Variants in PAWR observed in about 807,000 individuals in gnomAD.
The protein encoded by PAWR is PRKC apoptosis WT1 regulator protein.
PAWR carries 23 observed loss-of-function variants against 32.0 expected under a neutral mutation model. The observed-to-expected ratio is 0.72, with a 90% CI of 0.52 to 1.02. The LOEUF is 1.02. Among genes scored for constraint, PAWR ranks in the 50% least tolerant of loss-of-function variants. The pLI is 0.00. For missense variants in PAWR, 457 were observed against 437.7 expected, an observed-to-expected ratio of 1.04 and a Z score of -0.39; for synonymous variants, 226 against 187.1, an observed-to-expected ratio of 1.21 and a Z score of -1.70.
chr12:79,608,892 A>G lies in PAWR; in HGVS notation c.683+4683T>C, dbSNP rs1050588549. Reference sequence around the variant, plus strand: ...AAACCCCACCTCTACTAAAAATACAAAAGTTAGCCAGGCATGGTGGCAGGT... The same window carrying G: ...AAACCCCACCTCTACTAAAAATACAGAAGTTAGCCAGGCATGGTGGCAGGT... On this transcript the variant is annotated intron_variant, in intron 4 of 6. Transcript: ENST00000328827. Among the ~76,000 whole-genome samples, 7 of 152,128 alleles carry G rather than the reference A, an allele frequency of 4.6e-5. No individual in the cohort carries two copies. The South Asian group carries it at 1.2e-3, about 27-fold the overall frequency.
chr12:79,605,168 C>A (rs1304426345), intron 4 of PAWR, among the ~76,000 whole-genome samples: 4 of 151,934 alleles, frequency 2.6e-5, no homozygotes, highest in African/African-American at 9.7e-5. Context: ...ATTTTAATGG[C>A]TGCATTATAA....
chr12:79,660,906 A>G (rs573021220), intron 2 of PAWR, among the ~76,000 whole-genome samples: 1 of 151,806 alleles, frequency 6.6e-6, no homozygotes, highest in East Asian at 1.9e-4. Flanking sequence ...TTTAAAGTAT[A>G]TAATTATATA....
At chr12:79,678,154 T>C (rs776019149) in intron 2 of PAWR, among the ~76,000 whole-genome samples, 14 of 152,266 alleles carry the variant, frequency 9.2e-5, no homozygotes, top group Non-Finnish European at 1.6e-4. Context: ...TGTTGTTTAC[T>C]ACTCTTGAAT....
chr12:79,664,669 GGAGA>G, intron 2 of PAWR, among the ~76,000 whole-genome samples: 1 of 145,270 alleles, frequency 6.9e-6, no homozygotes, highest in East Asian at 2.0e-4. Flanking sequence ...GGGGGGGGGA[GGAGA>G]GAGAGAGAGT....
intron 2 of PAWR, among the ~76,000 whole-genome samples, chr12:79,673,360 C>T (rs539779640): frequency 6.6e-5 from 10 of 152,282 alleles, no homozygotes; most frequent in East Asian, 3.9e-4. Context: ...TGAGCCACCG[C>T]GCCCGGCCCT....
chr12:79,687,305 C>G (rs568254782), intron 2 of PAWR, among the ~76,000 whole-genome samples: 1 of 152,130 alleles, frequency 6.6e-6, no homozygotes, highest in South Asian at 2.1e-4. Flanking sequence ...TGTCAGATAC[C>G]TTTATAACAG....
intron 3 of PAWR, among the ~76,000 whole-genome samples, chr12:79,619,611 G>T (rs1293700330): frequency 2.0e-5 from 3 of 152,034 alleles, no homozygotes; most frequent in Non-Finnish European, 4.4e-5. Context: ...TTGATATGGG[G>T]GTACTGCTAT....
At chr12:79,646,283 C>T (rs1383509528) in intron 2 of PAWR, among the ~76,000 whole-genome samples, 1 of 152,150 alleles carries the variant, frequency 6.6e-6, no homozygotes, top group Non-Finnish European at 1.5e-5. Context: ...TAAGGACACT[C>T]CTGCCCCGTA....
intron 5 of PAWR, among the ~76,000 whole-genome samples, chr12:79,595,721 G>T (rs1873726038): frequency 6.6e-6 from 1 of 152,020 alleles, no homozygotes; most frequent in South Asian, 2.1e-4. Context: ...GCTTGGTGGT[G>T]CATGCCTGTA....
At chr12:79,667,875 T>A (rs758995997) in intron 2 of PAWR, 2 of 152,124 alleles carry the variant, frequency 1.3e-5, no homozygotes, top group African/African-American at 4.8e-5. Context: ...TAATACTATC[T>A]TATTTCCTTT....
chr12:79,683,573 A>G (rs201847401), intron 2 of PAWR, among the ~76,000 whole-genome samples: 2 of 151,682 alleles, frequency 1.3e-5, no homozygotes, highest in East Asian at 3.9e-4. Flanking sequence ...TGATTCTAGT[A>G]CTGTAACTAA....
At position 79,585,351 on chromosome 12, in the gene PAWR, G is replaced by C. The variant is rs1376077565; in HGVS notation, c.*7256C>G. On this transcript the variant is annotated 3_prime_UTR_variant, in exon 7 of 7. Transcript: ENST00000328827. ...TGCAAAGTTTGTGACTCAAGTGTTG[G>C]GTGGGGCCAAATAATTTGTATTTCT... is the stretch of plus-strand genomic sequence containing the variant. 4.6e-6 allele frequency: 1 copy of C among 219,598 alleles called. No individual in the cohort carries two copies. The highest frequency in any genetic ancestry group is 9.2e-6 in the Non-Finnish European group (1 of 109,054). The allele number at this position is 219,598 out of a possible 1,614,324, so 13.6% of individuals were successfully genotyped here. A position where few individuals can be genotyped will look rare whatever the true frequency, so the allele number is the denominator to read the frequency against.
In PAWR at chr12:79,615,126, GAGTA is replaced by G. The variant is rs536768689; in HGVS notation, c.649-1521_649-1518del. 3.5e-3 allele frequency among the ~76,000 whole-genome samples: 530 copies of G among 152,300 alleles called. 3 individuals are homozygous for G. The highest frequency in any genetic ancestry group is 0.012 in the African/African-American group (510 of 41,574). ...TAATTGAATTTTCTGCATGGAATTTGAGTAAGTCTGTCTTAATTATTCCAAGTCA... is the reference window on the plus strand; with the variant it reads ...TAATTGAATTTTCTGCATGGAATTTGAGTCTGTCTTAATTATTCCAAGTCA... On this transcript the variant is annotated intron_variant, in intron 3 of 6. Coordinates refer to ENST00000328827, the MANE Select transcript of PAWR (RefSeq NM_002583.4).
At chr12:79,598,809 T>C (rs1873856176) in intron 4 of PAWR, among the ~76,000 whole-genome samples, 1 of 152,212 alleles carries the variant, frequency 6.6e-6, no homozygotes, top group Non-Finnish European at 1.5e-5. Flanking sequence ...GCCTTCTGGC[T>C]CACTGCAACC....
intron 2 of PAWR, among the ~76,000 whole-genome samples, chr12:79,645,952 TG>T (rs537290619): frequency 5.1e-4 from 78 of 152,340 alleles, no homozygotes; most frequent in Non-Finnish European, 9.4e-4. Context: ...ACTTTAGGCA[TG>T]TCCCTCCATC....
intron 2 of PAWR, among the ~76,000 whole-genome samples, chr12:79,646,692 A>G (rs1876590803): frequency 6.6e-6 from 1 of 152,174 alleles, no homozygotes; most frequent in Non-Finnish European, 1.5e-5. Context: ...CAGAGGTTAA[A>G]TGATCTTTTA....
chr12:79,598,979 C>T (rs1489754190), intron 4 of PAWR, among the ~76,000 whole-genome samples: 1 of 152,210 alleles, frequency 6.6e-6, no homozygotes, highest in East Asian at 1.9e-4. Flanking sequence ...TCGTGATCCA[C>T]CTGCCCCGGC....
At chr12:79,593,995 C>T (rs1391728655) in intron 6 of PAWR, among the ~76,000 whole-genome samples, 1 of 151,984 alleles carries the variant, frequency 6.6e-6, no homozygotes, top group Non-Finnish European at 1.5e-5. Flanking sequence ...TGAGCCACAG[C>T]GCCTGGCCAA....
chr12:79,634,891 A>T (rs1456239889), intron 2 of PAWR, among the ~76,000 whole-genome samples: 1 of 151,828 alleles, frequency 6.6e-6, no homozygotes, highest in Non-Finnish European at 1.5e-5. Context: ...TTTTTTTTTA[A>T]TTTTAAAGAG....
Sources: gnomAD v4.1 joint callset for allele counts (sites outside exome capture counted in the v4.1 genomes callset) on GRCh38, gnomAD v4.1.1 for gene constraint, MANE v1.5 for transcripts, NCBI Gene and HGNC (gene_info 2026-07-23, HGNC 2026-07-21) for gene names.